Variants in SLC26A5 observed in about 807,000 individuals in gnomAD.
The protein encoded by SLC26A5 is prestin.
Under a neutral mutation model 81.0 loss-of-function variants are expected in SLC26A5, and 51 were observed. The observed-to-expected ratio is 0.63, with a 90% CI of 0.50 to 0.80. The LOEUF (loss-of-function observed/expected upper bound fraction) is 0.80. Among genes scored for constraint, SLC26A5 ranks in the 30% least tolerant of loss-of-function variants. SLC26A5 has a pLI of 0.00. For synonymous variants in SLC26A5, 325 were observed against 332.8 expected (o/e 0.98, Z 0.25); for missense variants, 771 against 905.8 (o/e 0.85, Z 1.91).
chr7:103,428,147 C>T (rs112370219), intron 2 of SLC26A5, among the ~76,000 whole-genome samples: 12 of 152,142 alleles, frequency 7.9e-5, no homozygotes, highest in African/African-American at 2.9e-4. Context: ...GCCACTATGC[C>T]TGGCCCCGTC....
chr7:103,384,811 C>T lies in SLC26A5; in HGVS notation c.1514+4197G>A, dbSNP rs138359376. 5.3e-4 allele frequency among the ~76,000 whole-genome samples: 81 copies of T among 152,248 alleles called. No individual in the cohort carries two copies. The East Asian group carries it at 6.4e-3, about 12-fold the overall frequency. On this transcript the variant is annotated intron_variant, in intron 14 of 19. Transcript: ENST00000306312. ...AAATGGCATAGAGCATTGATCTTTG[C>T]ACAGAGCCAGGCACATAAGTAATTA... is the stretch of plus-strand genomic sequence containing the variant.
At chr7:103,403,817 G>A (rs1457806109) in intron 8 of SLC26A5, among the ~76,000 whole-genome samples, 1 of 150,862 alleles carries the variant, frequency 6.6e-6, no homozygotes, top group Non-Finnish European at 1.5e-5. Context: ...GATGGGTTTT[G>A]ACTCTTTATC....
intron 14 of SLC26A5, chr7:103,388,706 C>T (rs1473627089): frequency 2.7e-6 from 1 of 366,452 alleles, no homozygotes; most frequent in Non-Finnish European, 5.3e-6. Context: ...GATAAATAAA[C>T]CAGCATAGCA....
chr7:103,366,439 A>G (rs1415621006), intron 19 of SLC26A5, among the ~76,000 whole-genome samples: 1 of 152,210 alleles, frequency 6.6e-6, no homozygotes. Context: ...TGGAATTCAC[A>G]TATTTTGGAT....
At chr7:103,399,175 G>A (rs1823382203) in intron 8 of SLC26A5, among the ~76,000 whole-genome samples, 1 of 152,104 alleles carries the variant, frequency 6.6e-6, no homozygotes, top group South Asian at 2.1e-4. Context: ...TAGAATTCTG[G>A]GAAACCATTC....
chr7:103,371,597 T>C (rs2116305960), downstream of SLC26A5, among the ~76,000 whole-genome samples: 1 of 152,230 alleles, frequency 6.6e-6, no homozygotes, highest in East Asian at 1.9e-4. Flanking sequence ...AGTACTGGAT[T>C]ACAGGCGTGA....
At chr7:103,410,646 C>A in intron 6 of SLC26A5, 97 bp from the exon 7 acceptor site, 1 of 1,092,318 alleles carries the variant, frequency 9.2e-7, no homozygotes, top group Non-Finnish European at 1.3e-6. Flanking sequence ...TGACCATTTT[C>A]TTTTTTTTTT....
rs765424871 is a variant in SLC26A5, at chr7:103,367,865, T to C, written c.2041+8943A>G. 5 of 1,612,252 alleles carry C rather than the reference T, an allele frequency of 3.1e-6. No homozygotes were observed. The highest frequency in any genetic ancestry group is 3.4e-6 in the Non-Finnish European group (4 of 1,179,260). ...GGTCTGTCTGCTCAGGCTGCTTTAA[T>C]TAAGCCCGTTTATTTTCTTTTTGTT... On this transcript the variant is annotated intron_variant, in intron 19 of 19. Transcript: ENST00000339444. This position sits in a 1 kb window ranked among gnomAD's most constrained non-coding sequence, Gnocchi z 6.1.
chr7:103,380,606 A>T (rs184312049), intron 14 of SLC26A5, 57 bp from the exon 15 acceptor site: 1 of 1,493,090 alleles, frequency 6.7e-7, no homozygotes, highest in East Asian at 2.3e-5. Flanking sequence ...TGATTTCAAC[A>T]GGAGGTTGTG....
chr7:103,423,326 T>A (rs1825496206), intron 2 of SLC26A5, among the ~76,000 whole-genome samples: 1 of 152,044 alleles, frequency 6.6e-6, no homozygotes, highest in African/African-American at 2.4e-5. Flanking sequence ...CCACAAAATA[T>A]TGTGCAAAAT....
At chr7:103,391,541 T>C in intron 11 of SLC26A5, 81 bp downstream of exon 11, 3 of 1,182,642 alleles carry the variant, frequency 2.5e-6, no homozygotes, top group East Asian at 2.5e-5. Flanking sequence ...GTAGCTTTGT[T>C]TGGGTTCAGA....
At chr7:103,386,514 G>A (rs1203565161) in intron 14 of SLC26A5, among the ~76,000 whole-genome samples, 2 of 151,956 alleles carry the variant, frequency 1.3e-5, no homozygotes, top group East Asian at 3.9e-4. Flanking sequence ...AGTGAGCCGA[G>A]ATCATGCCAC....
At chr7:103,384,855 T>C (rs1447699512) in intron 14 of SLC26A5, among the ~76,000 whole-genome samples, 1 of 152,160 alleles carries the variant, frequency 6.6e-6, no homozygotes, top group Non-Finnish European at 1.5e-5. Flanking sequence ...TGTGCCATCA[T>C]TACTTCATTG....
chr7:103,410,575 C>A, intron 6 of SLC26A5, 26 bp from the exon 7 acceptor site: 1 of 1,579,608 alleles, frequency 6.3e-7, no homozygotes. Flanking sequence ...GACAAAGAAA[C>A]AAATGAATCA....
chr7:103,355,453 C>T (rs1819978983), intron 19 of SLC26A5, among the ~76,000 whole-genome samples: 1 of 151,926 alleles, frequency 6.6e-6, no homozygotes, highest in Non-Finnish European at 1.5e-5. Context: ...CTCCCAACCC[C>T]TCCCAGAGGA....
chr7:103,385,945 T>TTTTTG (rs1418633833), intron 14 of SLC26A5, among the ~76,000 whole-genome samples: 1 of 151,632 alleles, frequency 6.6e-6, no homozygotes, highest in African/African-American at 2.4e-5. Context: ...CTTTTTTTTT[T>TTTTTG]GAGATAGGCT....
intron 4 of SLC26A5, among the ~76,000 whole-genome samples, chr7:103,419,734 C>T (rs1451968540): frequency 2.0e-5 from 3 of 152,004 alleles, no homozygotes; most frequent in Non-Finnish European, 4.4e-5. Context: ...TATGGGGTTT[C>T]ACCATGTTGG....
chr7:103,431,382 G>C (rs867231775), intron 2 of SLC26A5, among the ~76,000 whole-genome samples: 3 of 151,778 alleles, frequency 2.0e-5, no homozygotes, highest in Admixed American at 1.3e-4. Context: ...GAGTGCAGTG[G>C]TGTGATCATG....
At chr7:103,363,121 A>T (rs1261049591) in intron 19 of SLC26A5, among the ~76,000 whole-genome samples, 3 of 152,276 alleles carry the variant, frequency 2.0e-5, no homozygotes, top group Middle Eastern at 3.4e-3. Context: ...TTTTTGAGAC[A>T]GAGTCTCAGC....
Sources: allele counts gnomAD v4.1 joint callset (sites outside exome capture counted in the v4.1 genomes callset), GRCh38; gene constraint gnomAD v4.1.1; non-coding constraint Gnocchi (gnomAD v3.1); transcripts MANE v1.5; gene names NCBI Gene and HGNC (gene_info 2026-07-23, HGNC 2026-07-21).